CSMD3: variants seen among roughly 807,000 people sequenced by gnomAD.
CSMD3 encodes the protein CUB and Sushi multiple domains 3, also known as CUB and sushi domain-containing protein 3.
Under a neutral mutation model 435.2 loss-of-function variants are expected in CSMD3, and 177 were observed. The ratio of observed to expected loss-of-function variants is 0.41; its 90% CI spans 0.36 to 0.46. CSMD3 has a LOEUF of 0.46. Ranked by LOEUF, CSMD3 falls within the 20% of genes least tolerant of loss-of-function variation. The probability of loss-of-function intolerance (pLI) is 0.34; values close to 1 mark genes in which losing one functional copy is unlikely to be tolerated. For synonymous variants in CSMD3, 1,656 were observed against 1,520.5 expected, an observed-to-expected ratio of 1.09 and a Z score of -2.07; for missense variants, 4,265 against 4,504.6, an observed-to-expected ratio of 0.95 and a Z score of 1.52.
At chr8:112,457,935 T>G (rs888903418) in intron 32 of CSMD3, among the ~76,000 whole-genome samples, 1 of 151,984 alleles carries the variant, frequency 6.6e-6, no homozygotes, top group Non-Finnish European at 1.5e-5. Flanking sequence ...TAAATAAATA[T>G]GGTAAATAAG....
rs184308191 is a variant in CSMD3 at position 112,878,876 on chromosome 8, T to A, written c.1634-19610A>T. Among the ~76,000 whole-genome samples, 145 of 152,238 alleles carry A rather than the reference T, an allele frequency of 9.5e-4. 1 individual carries two copies. In the East Asian group the frequency reaches 0.021, roughly 22 times the overall value. On this transcript the variant is annotated intron_variant, in intron 10 of 70. Coordinates refer to ENST00000297405, the MANE Select transcript of CSMD3 (RefSeq NM_198123.2). ...ATTTATTAGTTCCCCAAATTAATAC[T>A]CTTATAATTTCCTATGCCTGTCTTT...
chr8:112,266,961 C>A (rs559419337), intron 59 of CSMD3, among the ~76,000 whole-genome samples: 1 of 152,198 alleles, frequency 6.6e-6, no homozygotes, highest in South Asian at 2.1e-4. Flanking sequence ...TCTTTTGGTT[C>A]ATAAAAGGGT....
rs190957975 is a variant in CSMD3 at position 113,300,267 on chromosome 8, G to A, written c.401+14304C>T. 3.3e-5 allele frequency among the ~76,000 whole-genome samples: 5 copies of A among 151,772 alleles called. No individual in the cohort carries two copies. The East Asian group carries it at 7.8e-4, about 24-fold the overall frequency. Reference sequence around the variant, plus strand: ...TAGTTCAACCTCTATGGAAAACCACGTGGAGATTTCTCAATGAACTAAATG... The same window carrying A: ...TAGTTCAACCTCTATGGAAAACCACATGGAGATTTCTCAATGAACTAAATG... On this transcript the variant is annotated intron_variant, in intron 2 of 70. Coordinates refer to ENST00000297405, the MANE Select transcript of CSMD3 (RefSeq NM_198123.2).
At chr8:112,559,751 C>T (rs79087260) in intron 24 of CSMD3, among the ~76,000 whole-genome samples, 5 of 151,770 alleles carry the variant, frequency 3.3e-5, no homozygotes, top group East Asian at 3.9e-4. Flanking sequence ...TCTAAGCTGC[C>T]GTAGCTATAT....
In CSMD3 at chr8:112,228,608, A is replaced by G. The variant is rs1445383250; in HGVS notation, c.10964+148T>C. ...TTGCAGGGGTGGTTAGGGGAAATAA[A>G]TTTTTCAGTGTCTATGACAATAGTT... On this transcript the variant is annotated intron_variant, in intron 70 of 70. Coordinates refer to ENST00000297405, the MANE Select transcript of CSMD3 (RefSeq NM_198123.2). 1.2e-5 allele frequency: 9 copies of G among 769,924 alleles called. No individual in the cohort carries two copies. In the East Asian group the frequency reaches 2.1e-4, roughly 18 times the overall value. 47.7% of individuals were successfully genotyped at this position (769,924 alleles called of 1,614,324 possible). A position where few individuals can be genotyped will look rare whatever the true frequency, so the allele number is the denominator to read the frequency against.
intron 1 of CSMD3, among the ~76,000 whole-genome samples, chr8:113,421,726 G>C (rs1168887140): frequency 1.3e-5 from 2 of 151,948 alleles, no homozygotes; most frequent in African/African-American, 4.8e-5. Flanking sequence ...GCACAAGGAA[G>C]GACTTTTTCT....
chr8:113,309,647 A>C (rs1330824551), intron 2 of CSMD3: 1 of 152,200 alleles, frequency 6.6e-6, no homozygotes, highest in Admixed American at 6.5e-5. Context: ...TCATTACTAC[A>C]CCATGACTAT....
chr8:112,920,936 CACACGCACAT>C (rs2082717495), intron 10 of CSMD3, among the ~76,000 whole-genome samples: 1 of 149,878 alleles, frequency 6.7e-6, no homozygotes. Flanking sequence ...CACACACACA[CACACGCACAT>C]ATACACATAC....
chr8:112,625,183 C>T (rs1834377773), intron 22 of CSMD3, among the ~76,000 whole-genome samples: 15 of 151,950 alleles, frequency 9.9e-5, no homozygotes, highest in Admixed American at 9.2e-4. Context: ...AGATTAGACC[C>T]TAGTCAGTGG....
At chr8:113,129,814 T>C (rs1231715879) in intron 4 of CSMD3, among the ~76,000 whole-genome samples, 2 of 152,008 alleles carry the variant, frequency 1.3e-5, no homozygotes, top group Non-Finnish European at 2.9e-5. Context: ...TCTCAGGTGA[T>C]TCTGACCACA....
intron 47 of CSMD3, among the ~76,000 whole-genome samples, chr8:112,315,964 T>C (rs571600365): frequency 1.3e-5 from 2 of 151,966 alleles, no homozygotes; most frequent in South Asian, 4.1e-4. Context: ...AGAACTTATA[T>C]ATTCATAGTG....
rs1826161563 is a variant in CSMD3 at position 112,536,959 on chromosome 8, A to G, written c.4564+13712T>C. Among the ~76,000 whole-genome samples, 3 of 152,120 alleles carry G rather than the reference A, an allele frequency of 2.0e-5. No individual in the cohort carries two copies. The South Asian group carries it at 6.2e-4, about 32-fold the overall frequency. On this transcript the variant is annotated intron_variant, in intron 27 of 70. Transcript: ENST00000297405. ...CCGCATATTCTCACTCGTAGGTGGG[A>G]ATTGAACAATGAGAACACTTGGACA...
At chr8:112,535,592 G>C (rs183414549) in intron 27 of CSMD3, among the ~76,000 whole-genome samples, 45,806 of 149,626 alleles carry the variant, frequency 0.31, 6,949 homozygotes, top group East Asian at 0.46. Context: ...AATGGCCATA[G>C]TGCCCAAGGT....
intron 5 of CSMD3, among the ~76,000 whole-genome samples, chr8:113,071,075 T>C (rs1208614930): frequency 6.6e-6 from 1 of 151,984 alleles, no homozygotes; most frequent in African/African-American, 2.4e-5. Context: ...AGTAGTGATG[T>C]CGAGTGCCTT....
intron 13 of CSMD3, among the ~76,000 whole-genome samples, chr8:112,694,846 T>A (rs1248418531): frequency 1.3e-5 from 2 of 152,136 alleles, no homozygotes; most frequent in African/African-American, 4.8e-5. Context: ...GATGGCCAAA[T>A]AGGAACAGCT....
intron 4 of CSMD3, among the ~76,000 whole-genome samples, chr8:113,163,359 A>G (rs1001474146): frequency 2.0e-5 from 3 of 152,056 alleles, no homozygotes; most frequent in African/African-American, 7.2e-5. Context: ...AACAAAAGCC[A>G]TTTTAGAAAG....
At position 112,986,918 on chromosome 8, in the gene CSMD3, G is replaced by A. The variant is rs141135850; in HGVS notation, c.1031-10770C>T. Among the ~76,000 whole-genome samples the A allele has an allele frequency of 5.9e-3, 904 of 152,034 alleles. 5 individuals carry two copies. The highest frequency in any genetic ancestry group is 0.019 in the African/African-American group (804 of 41,514). Reference sequence around the variant, plus strand: ...TTCTCAATAGATAGATAATTAGGTAGATAAAGATATAAATATAGATAGTTT... The same window carrying A: ...TTCTCAATAGATAGATAATTAGGTAAATAAAGATATAAATATAGATAGTTT... On this transcript the variant is annotated intron_variant, in intron 6 of 70. Transcript: ENST00000297405.
chr8:113,192,788 T>C (rs1391278993), intron 3 of CSMD3, among the ~76,000 whole-genome samples: 1 of 149,612 alleles, frequency 6.7e-6, no homozygotes, highest in Non-Finnish European at 1.5e-5. Context: ...AGTTTTCTTC[T>C]GTTCTTATAG....
chr8:113,433,416 C>A (rs549957890), intron 1 of CSMD3, among the ~76,000 whole-genome samples: 2 of 152,298 alleles, frequency 1.3e-5, no homozygotes, highest in African/African-American at 4.8e-5. Context: ...TAATGAGTGC[C>A]TCTGGCAGCT....
Sources: allele counts gnomAD v4.1 joint callset (sites outside exome capture counted in the v4.1 genomes callset), GRCh38; gene constraint gnomAD v4.1.1; transcripts MANE v1.5; gene names NCBI Gene and HGNC (gene_info 2026-07-23, HGNC 2026-07-21).